Variants in GPD2 observed in about 807,000 individuals in gnomAD.
GPD2 encodes glycerol-3-phosphate dehydrogenase, mitochondrial.
Under a neutral mutation model 82.4 loss-of-function variants are expected in GPD2, and 54 were observed. The observed-to-expected ratio is 0.66, with a 90% CI of 0.53 to 0.82. The LOEUF is 0.82. Ranked by LOEUF, GPD2 falls within the 40% of genes least tolerant of loss-of-function variation. The probability of loss-of-function intolerance (pLI) is 0.00; values close to 1 mark genes in which losing one functional copy is unlikely to be tolerated. For synonymous variants in GPD2, 288 were observed against 306.1 expected (o/e 0.94, Z 0.62); for missense variants, 748 against 896.2 (o/e 0.83, Z 2.11).
rs916419216 is a variant in GPD2 at position 156,518,290 on chromosome 2, A to G, written c.661+4794A>G. 3.3e-5 allele frequency among the ~76,000 whole-genome samples: 5 copies of G among 152,310 alleles called. No individual in the cohort carries two copies. In the East Asian group the frequency reaches 5.8e-4, roughly 18 times the overall value. On this transcript the variant is annotated intron_variant, in intron 6 of 16. Transcript: ENST00000438166. ...CTATAATCCCTGGCTCCTGGAGGTA[A>G]AAATGCACTGAAGTGAGGAAAATTC...
intron 1 of GPD2, among the ~76,000 whole-genome samples, chr2:156,456,309 G>A (rs771984439): frequency 4.6e-5 from 7 of 152,138 alleles, no homozygotes; most frequent in Admixed American, 3.3e-4. Flanking sequence ...TTCTTCAAAT[G>A]TTGGTCTTCT....
the GPD2 span, among the ~76,000 whole-genome samples, chr2:156,401,135 G>C: frequency 2.6e-5 from 4 of 152,262 alleles, no homozygotes; most frequent in African/African-American, 9.6e-5. Context: ...AAAAAAACTA[G>C]AAGTCAAAAC....
At chr2:156,555,561 T>G (rs1558959119) in intron 8 of GPD2, among the ~76,000 whole-genome samples, 1 of 152,188 alleles carries the variant, frequency 6.6e-6, no homozygotes, top group Non-Finnish European at 1.5e-5. Flanking sequence ...TCAAATAGAA[T>G]GAACTCTGAG....
At chr2:156,400,760 T>C in the GPD2 span, among the ~76,000 whole-genome samples, 9 of 152,252 alleles carry the variant, frequency 5.9e-5, no homozygotes, top group African/African-American at 2.2e-4. Flanking sequence ...AGAAATATGC[T>C]TTCGGCTGGG....
chr2:156,410,653 C>T, the GPD2 span, among the ~76,000 whole-genome samples: 1 of 152,162 alleles, frequency 6.6e-6, no homozygotes, highest in African/African-American at 2.4e-5. Context: ...TAGGAGCTTC[C>T]AGGTTTAACT....
the GPD2 span, among the ~76,000 whole-genome samples, chr2:156,419,049 C>CT: frequency 0.036 from 2,796 of 77,264 alleles, 341 homozygotes; most frequent in Non-Finnish European, 0.053. Context: ...TTCTTTCCTT[C>CT]TTTTTTTTTT....
chr2:156,438,371 A>G (rs1244496579), intron 1 of GPD2, among the ~76,000 whole-genome samples: 1 of 152,172 alleles, frequency 6.6e-6, no homozygotes, highest in Non-Finnish European at 1.5e-5. Flanking sequence ...TCCATCCTAT[A>G]TTTTTCCTTC....
intron 4 of GPD2, among the ~76,000 whole-genome samples, chr2:156,511,808 A>T (rs1418784427): frequency 6.6e-6 from 1 of 152,342 alleles, no homozygotes; most frequent in East Asian, 1.9e-4. Flanking sequence ...GCAACTGTTA[A>T]GAAGCATCAT....
chr2:156,579,392 G>A (rs556557255), intron 15 of GPD2, among the ~76,000 whole-genome samples: 7 of 147,396 alleles, frequency 4.7e-5, no homozygotes, highest in Admixed American at 6.8e-5. Flanking sequence ...AGTGTTGCAC[G>A]ATCTCGGCTC....
chr2:156,496,030 T>C lies in GPD2; in HGVS notation c.103-14T>C. 6.2e-7 allele frequency: 1 copy of C among 1,605,146 alleles called. No homozygotes were observed. The highest frequency in any genetic ancestry group is 8.5e-7 in the Non-Finnish European group (1 of 1,172,794). On this transcript the variant is annotated splice_polypyrimidine_tract_variant and intron_variant, in intron 2 of 16. Transcript: ENST00000438166. The stretch of plus-strand genomic sequence containing the variant: ...TCCAAATGGACAACTGAAAGTGATC[T>C]GCTTTTACATCAGATGAACCTGGCC...
At chr2:156,528,239 C>G (rs115113579) in intron 6 of GPD2, among the ~76,000 whole-genome samples, 3 of 151,876 alleles carry the variant, frequency 2.0e-5, no homozygotes, top group Non-Finnish European at 4.4e-5. Flanking sequence ...TGAAACATGT[C>G]TATTATATAA....
At chr2:156,446,012 C>T (rs1382279593) in intron 1 of GPD2, among the ~76,000 whole-genome samples, 1 of 152,178 alleles carries the variant, frequency 6.6e-6, no homozygotes, top group African/African-American at 2.4e-5. Flanking sequence ...TTTTATGACT[C>T]AGCAATTCCT....
At chr2:156,568,056 G>A (rs1249153283) in intron 9 of GPD2, among the ~76,000 whole-genome samples, 1 of 152,156 alleles carries the variant, frequency 6.6e-6, no homozygotes, top group Non-Finnish European at 1.5e-5. Context: ...GCAGAGTATG[G>A]AAGTTGTCAG....
At chr2:156,559,505 CTG>C (rs2105348899) in intron 9 of GPD2, among the ~76,000 whole-genome samples, 1 of 152,286 alleles carries the variant, frequency 6.6e-6, no homozygotes. Flanking sequence ...TCACTAGCAT[CTG>C]TGTATCCTTT....
intron 2 of GPD2, chr2:156,495,693 T>TA (rs1336503235): frequency 2.7e-5 from 11 of 411,204 alleles, no homozygotes; most frequent in East Asian, 7.3e-5. Context: ...TAGTACTGGG[T>TA]AAAAAAATCT....
At chr2:156,579,935 G>A (rs1687969649) in intron 16 of GPD2, 147 bp downstream of exon 16, 2 of 690,278 alleles carry the variant, frequency 2.9e-6, no homozygotes, top group Admixed American at 2.1e-5. Flanking sequence ...AGCAGAGGTT[G>A]ATATGTCTGC....
chr2:156,428,285 G>A, the GPD2 span, among the ~76,000 whole-genome samples: 2 of 152,152 alleles, frequency 1.3e-5, no homozygotes, highest in African/African-American at 4.8e-5. Flanking sequence ...TAAAGTGAAA[G>A]GATACCCTAT....
rs1345599662 is a variant in GPD2 at position 156,584,639 on chromosome 2, G to A, written c.*1721G>A. The A allele has an allele frequency of 2.6e-5, 4 of 152,424 alleles. No individual in the cohort carries two copies. Among genetic ancestry groups the A allele is most frequent in the Non-Finnish European group, 5.9e-5 (4 of 67,962 alleles). 9.4% of individuals were successfully genotyped at this position (152,424 alleles called of 1,614,324 possible). ...GAAATCCTAAAACAGAGCAAGTGAT[G>A]CTCCCAGGTATCACTGTGAACTTTT... On this transcript the variant is annotated 3_prime_UTR_variant, in exon 17 of 17. Coordinates refer to ENST00000438166, the MANE Select transcript of GPD2 (RefSeq NM_000408.5).
At chr2:156,462,154 A>C (rs1468257169) in intron 1 of GPD2, among the ~76,000 whole-genome samples, 1 of 152,232 alleles carries the variant, frequency 6.6e-6, no homozygotes, top group African/African-American at 2.4e-5. Flanking sequence ...TCTAGCACAG[A>C]AGCAGAGAGT....
Sources: gnomAD v4.1 joint callset for allele counts (sites outside exome capture counted in the v4.1 genomes callset) on GRCh38, gnomAD v4.1.1 for gene constraint, MANE v1.5 for transcripts, NCBI Gene and HGNC (gene_info 2026-07-23, HGNC 2026-07-21) for gene names.